Variants in FSTL5 observed in about 807,000 individuals in gnomAD.
FSTL5 encodes follistatin-related protein 5.
Under a neutral mutation model 89.1 loss-of-function variants are expected in FSTL5, and 62 were observed. That is an observed-to-expected ratio of 0.70 (90% CI 0.57 to 0.86). The LOEUF (loss-of-function observed/expected upper bound fraction) is 0.86, where lower values mean the gene tolerates loss of function less well. FSTL5 is among the 40% of genes least tolerant of loss of function. The pLI is 0.00. For missense variants in FSTL5, 1,057 were observed against 1,001.6 expected (o/e 1.06, Z -0.75); for synonymous variants, 383 against 346.2 (o/e 1.11, Z -1.18).
intron 6 of FSTL5, among the ~76,000 whole-genome samples, chr4:161,724,277 GA>G (rs1455487127): frequency 6.6e-6 from 1 of 151,988 alleles, no homozygotes; most frequent in Non-Finnish European, 1.5e-5. Context: ...GCCAACACCA[GA>G]ATAATAAAAT....
chr4:161,386,578 A>C (rs13124779), intron 15 of FSTL5, 129 bp from the exon 16 acceptor site: 186,563 of 629,500 alleles, frequency 0.3, 28,461 homozygotes, highest in East Asian at 0.38. Flanking sequence ...TTTGTGTTAC[A>C]ATTGTGCTAG....
intron 4 of FSTL5, among the ~76,000 whole-genome samples, chr4:161,816,039 T>G (rs958295934): frequency 1.2e-4 from 19 of 152,152 alleles, no homozygotes; most frequent in Admixed American, 3.3e-4. Flanking sequence ...CATTAGAAAA[T>G]TGGCATCAGT....
At chr4:161,890,080 T>C (rs1732938661) in intron 4 of FSTL5, among the ~76,000 whole-genome samples, 1 of 152,148 alleles carries the variant, frequency 6.6e-6, no homozygotes, top group Admixed American at 6.5e-5. Context: ...ACAAAATTAG[T>C]ACATCTTTAT....
Position 161,601,329 on chromosome 4 carries a change from G to GAAAAAAAAAAAAAA in FSTL5, c.895-13768_895-13755dup, listed in dbSNP as rs35261391. On this transcript the variant is annotated intron_variant, in intron 7 of 15. Transcript: ENST00000306100. ...AGTGACACAAAGTCTTAAATAGTTG[G>GAAAAAAAAAAAAAA]AAAAAAAAAAAAAAAAAAAAAGGCA... is the stretch of plus-strand genomic sequence containing the variant. 1.9e-5 allele frequency among the ~76,000 whole-genome samples: 2 copies of GAAAAAAAAAAAAAA among 107,566 alleles called. 1 individual carries two copies. Among genetic ancestry groups the GAAAAAAAAAAAAAA allele is most frequent in the Non-Finnish European group, 3.7e-5 (2 of 54,450 alleles). The allele number at this position is 107,566 out of a possible 152,430, so 70.6% of individuals were successfully genotyped here.
chr4:161,531,678 C>G (rs1418859983), intron 10 of FSTL5, among the ~76,000 whole-genome samples: 1 of 152,036 alleles, frequency 6.6e-6, no homozygotes, highest in Admixed American at 6.6e-5. Flanking sequence ...TTAATATATA[C>G]ACTAAATAAT....
intron 2 of FSTL5, among the ~76,000 whole-genome samples, chr4:162,094,178 AG>A (rs1730659329): frequency 6.6e-5 from 10 of 152,090 alleles, no homozygotes; most frequent in Admixed American, 1.3e-4. Context: ...CACAAAGTCA[AG>A]AGATTGAGAC....
At chr4:162,045,657 C>T (rs1436574080) in intron 2 of FSTL5, among the ~76,000 whole-genome samples, 1 of 151,750 alleles carries the variant, frequency 6.6e-6, no homozygotes, top group African/African-American at 2.4e-5. Context: ...AAAATGACAC[C>T]GACAGACTTG....
Position 162,037,056 on chromosome 4 carries a change from A to C in FSTL5, c.127-3398T>G, listed in dbSNP as rs977327556. Among the ~76,000 whole-genome samples the C allele has an allele frequency of 3.3e-5, 5 of 151,910 alleles. No homozygotes were observed. In the Admixed American group the frequency reaches 3.3e-4, roughly 10 times the overall value. ...TTATTTTGTTTAGTTTTGTAATATT[A>C]CATTATTATTTATATCACTGAGATT... On this transcript the variant is annotated intron_variant, in intron 2 of 15. Coordinates refer to ENST00000306100, the MANE Select transcript of FSTL5 (RefSeq NM_020116.5).
At chr4:161,933,115 G>A (rs1355516700) in intron 3 of FSTL5, among the ~76,000 whole-genome samples, 3 of 151,996 alleles carry the variant, frequency 2.0e-5, no homozygotes, top group Admixed American at 1.3e-4. Flanking sequence ...ATTGTTGGCC[G>A]ACACGCATGG....
At chr4:161,985,114 G>A (rs1375504162) in intron 3 of FSTL5, among the ~76,000 whole-genome samples, 1 of 151,876 alleles carries the variant, frequency 6.6e-6, no homozygotes, top group Non-Finnish European at 1.5e-5. Flanking sequence ...GTGCCACCAT[G>A]CCCAGCTAAT....
At chr4:161,424,413 T>A (rs1450034937) in intron 15 of FSTL5, among the ~76,000 whole-genome samples, 1 of 151,990 alleles carries the variant, frequency 6.6e-6, no homozygotes, top group Admixed American at 6.6e-5. Context: ...AACTAGTTTT[T>A]TTTTTTTAGG....
intron 8 of FSTL5, among the ~76,000 whole-genome samples, chr4:161,570,827 C>T (rs1732980174): frequency 1.3e-5 from 2 of 152,094 alleles, no homozygotes; most frequent in South Asian, 4.1e-4. Context: ...AGTTAAGGCT[C>T]CAAGGGAGCC....
At chr4:161,570,040 T>A (rs1331782144) in intron 8 of FSTL5, among the ~76,000 whole-genome samples, 1 of 152,148 alleles carries the variant, frequency 6.6e-6, no homozygotes, top group Non-Finnish European at 1.5e-5. Context: ...TGCTGCCTCT[T>A]TAATATATAC....
intron 6 of FSTL5, among the ~76,000 whole-genome samples, chr4:161,673,182 A>G (rs1320715246): frequency 6.6e-6 from 1 of 152,116 alleles, no homozygotes; most frequent in Non-Finnish European, 1.5e-5. Context: ...AAATATATTT[A>G]TATAAATTAT....
chr4:161,696,676 G>T (rs969979134), intron 6 of FSTL5, among the ~76,000 whole-genome samples: 13 of 152,014 alleles, frequency 8.6e-5, no homozygotes, highest in African/African-American at 3.1e-4. Flanking sequence ...TCCTTGGTTA[G>T]GTATATTCCT....
At chr4:161,657,671 T>G (rs1736564192) in intron 6 of FSTL5, among the ~76,000 whole-genome samples, 1 of 152,162 alleles carries the variant, frequency 6.6e-6, no homozygotes, top group Admixed American at 6.5e-5. Flanking sequence ...CAAGTGAGTT[T>G]TATAGAATGC....
intron 15 of FSTL5, among the ~76,000 whole-genome samples, chr4:161,424,739 C>T (rs79196103): frequency 0.047 from 7,174 of 152,220 alleles, 435 homozygotes; most frequent in East Asian, 0.19. Flanking sequence ...AGCTCCTGTA[C>T]TAGGTCCTAG....
chr4:161,548,553 C>T (rs1489021490), intron 8 of FSTL5, among the ~76,000 whole-genome samples: 5 of 151,660 alleles, frequency 3.3e-5, no homozygotes, highest in African/African-American at 9.7e-5. Flanking sequence ...TATATTTTTC[C>T]AATGAGTGTA....
chr4:161,550,633 G>A (rs1343546528), intron 8 of FSTL5, among the ~76,000 whole-genome samples: 1 of 150,644 alleles, frequency 6.6e-6, no homozygotes, highest in Non-Finnish European at 1.5e-5. Flanking sequence ...AGCACATTGT[G>A]CAGGTTAGTT....
Sources: allele counts gnomAD v4.1 joint callset (sites outside exome capture counted in the v4.1 genomes callset), GRCh38; gene constraint gnomAD v4.1.1; transcripts MANE v1.5; gene names NCBI Gene and HGNC (gene_info 2026-07-23, HGNC 2026-07-21).